The following IDE variants were observed in gnomAD, a reference collection of about 807,000 sequenced individuals.
IDE encodes the protein insulin-degrading enzyme.
Under a neutral mutation model 133.2 loss-of-function variants are expected in IDE, and 58 were observed. The observed-to-expected ratio is 0.44, with a 90% CI of 0.35 to 0.54. The LOEUF is 0.54. Ranked by LOEUF, IDE falls within the 20% of genes least tolerant of loss-of-function variation. IDE has a pLI of 0.00. For synonymous variants in IDE, 396 were observed against 421.3 expected (o/e 0.94, Z 0.73); for missense variants, 981 against 1,234.0 (o/e 0.79, Z 3.07).
intron 14 of IDE, among the ~76,000 whole-genome samples, chr10:92,481,822 C>T (rs1322072829): frequency 2.0e-5 from 3 of 151,950 alleles, no homozygotes; most frequent in Non-Finnish European, 4.4e-5. Flanking sequence ...TTAGAGAACA[C>T]AAAAATGTAA....
chr10:92,456,900 C>G (rs1051454635), intron 22 of IDE, among the ~76,000 whole-genome samples: 6 of 149,176 alleles, frequency 4.0e-5, no homozygotes, highest in Non-Finnish European at 5.9e-5. Flanking sequence ...AGATACTTCC[C>G]TTTCTTTCCC....
chr10:92,526,849 A>G (rs1849651767), intron 4 of IDE, among the ~76,000 whole-genome samples: 1 of 149,542 alleles, frequency 6.7e-6, no homozygotes, highest in Admixed American at 6.7e-5. Flanking sequence ...CTGTCTCAAA[A>G]AAAAAAAAAA....
In IDE at chr10:92,516,834, C is replaced by G. The variant is rs564982652; in HGVS notation, c.662-1792G>C. On this transcript the variant is annotated intron_variant, in intron 4 of 24. Transcript: ENST00000265986. The stretch of plus-strand genomic sequence containing the variant: ...TGTATGTAGTGTACCACTAACAGCT[C>G]TCATGAAATCTTAATAACTAATTCA... Among the ~76,000 whole-genome samples the G allele has an allele frequency of 7.2e-5, 11 of 152,286 alleles. 1 individual carries two copies. Among genetic ancestry groups the G allele is most frequent in the Middle Eastern group, 3.4e-3 (1 of 294 alleles).
chr10:92,524,370 A>ATAT (rs71028824), intron 4 of IDE, among the ~76,000 whole-genome samples: 25,590 of 43,044 alleles, frequency 0.59, 8,685 homozygotes, highest in East Asian at 0.85. Flanking sequence ...ATATTATAAT[A>ATAT]TATATTATAT....
intron 5 of IDE, among the ~76,000 whole-genome samples, chr10:92,511,126 A>G (rs1848608051): frequency 6.9e-6 from 1 of 144,470 alleles, no homozygotes. Context: ...TTTTGAAGCA[A>G]GGTATTGCTC....
At position 92,456,310 on chromosome 10, in the gene IDE, C is replaced by A. The variant is rs752286492; in HGVS notation, c.2896+49G>T. 16 of 1,321,526 alleles carry A rather than the reference C, an allele frequency of 1.2e-5. No homozygotes were observed. In the South Asian group the frequency reaches 1.9e-4, roughly 16 times the overall value. The allele number at this position is 1,321,526 out of a possible 1,614,324, so 81.9% of individuals were successfully genotyped here. A position where few individuals can be genotyped will look rare whatever the true frequency, so the allele number is the denominator to read the frequency against. ...GGCATGTAGCTATGACAAAGGCCAA[C>A]CATCAGATGGCTCAACATGAGCCTA... On this transcript the variant is annotated intron_variant, in intron 23 of 24. Transcript: ENST00000265986.
intron 12 of IDE, among the ~76,000 whole-genome samples, chr10:92,489,295 T>C (rs1847207095): frequency 6.6e-6 from 1 of 152,200 alleles, no homozygotes; most frequent in African/African-American, 2.4e-5. Context: ...CTCACAGCTG[T>C]AATCCCAGCA....
At chr10:92,487,454 G>T in intron 12 of IDE, 136 bp from the exon 13 acceptor site, 1 of 752,558 alleles carries the variant, frequency 1.3e-6, no homozygotes, top group Non-Finnish European at 2.1e-6. Flanking sequence ...ATATAAAAGA[G>T]GTACTACCAA....
chr10:92,470,838 A>G (rs1845928452), intron 17 of IDE, among the ~76,000 whole-genome samples: 1 of 152,208 alleles, frequency 6.6e-6, no homozygotes, highest in Non-Finnish European at 1.5e-5. Flanking sequence ...GCATTCTATC[A>G]GGGGACTCAT....
chr10:92,484,994 T>C (rs1846883841), intron 13 of IDE, among the ~76,000 whole-genome samples: 1 of 151,796 alleles, frequency 6.6e-6, no homozygotes, highest in South Asian at 2.1e-4. Context: ...AGGCCAAGGC[T>C]ACAGTGAGCC....
chr10:92,458,490 G>GTTTTT lies in IDE; in HGVS notation c.2824-2064_2824-2060dup, dbSNP rs71028821. On this transcript the variant is annotated intron_variant, in intron 22 of 24. Coordinates refer to ENST00000265986, the MANE Select transcript of IDE (RefSeq NM_004969.4). The stretch of plus-strand genomic sequence containing the variant: ...AGGCCTGGTTATAAATACTCTCTCT[G>GTTTTT]TTTTTTTTTTTTTTTTTTTTTTTTT... Among the ~76,000 whole-genome samples, 433 of 83,824 alleles carry GTTTTT rather than the reference G, an allele frequency of 5.2e-3. 56 individuals carry two copies. Among genetic ancestry groups the GTTTTT allele is most frequent in the East Asian group, 6.2e-3 (23 of 3,718 alleles). 55.0% of individuals were successfully genotyped at this position (83,824 alleles called of 152,430 possible). A position where few individuals can be genotyped will look rare whatever the true frequency, so the allele number is the denominator to read the frequency against.
chr10:92,474,852 T>C lies in IDE; in HGVS notation c.2105A>G (p.Glu702Gly), dbSNP rs1846161211. Residue 702 changes from glutamate (E) to glycine (G), a missense_variant, in exon 17 of 25, where the codon GAA becomes GGA. By Grantham distance (98) the Glu-to-Gly change is moderately conservative. Around this residue, in one of 2 missense-constraint regions of IDE, gnomAD observed 660 missense variants for 894.7 expected, o/e 0.74. Coordinates refer to ENST00000265986, the MANE Select transcript of IDE (RefSeq NM_004969.4). ...EVAWTKDELK[E>G]ALDDVTLPRL... Reference sequence around the variant, plus strand: ...GTAGAAAGTCTCACCATCCAGAGCTTCTTTTAACTCATCTTTAGTCCAGGC... The same window carrying C: ...GTAGAAAGTCTCACCATCCAGAGCTCCTTTTAACTCATCTTTAGTCCAGGC... The C allele has an allele frequency of 3.1e-6, 5 of 1,612,134 alleles. No homozygotes were observed. Among genetic ancestry groups the C allele is most frequent in the Non-Finnish European group, 4.2e-6 (5 of 1,179,480 alleles).
rs1440550045 is a variant in IDE at position 92,574,078 on chromosome 10, C to T, written c.-59G>A. ...CTTCCTGCTTGCGCTTCGAGCCGGC[C>T]CTGCGCACTGCGCATGCTCTAGCCG... On this transcript the variant is annotated 5_prime_UTR_variant, in exon 1 of 25. Transcript: ENST00000265986. The T allele has an allele frequency of 5.9e-6, 8 of 1,344,780 alleles. No homozygotes were observed. In the African/African-American group the frequency reaches 9.2e-5, roughly 15 times the overall value. The allele number at this position is 1,344,780 out of a possible 1,614,324, so 83.3% of individuals were successfully genotyped here. A position where few individuals can be genotyped will look rare whatever the true frequency, so the allele number is the denominator to read the frequency against.
At chr10:92,501,348 C>CA (rs1321648466) in intron 11 of IDE, among the ~76,000 whole-genome samples, 26 of 99,708 alleles carry the variant, frequency 2.6e-4, no homozygotes, top group African/African-American at 1.1e-3. Flanking sequence ...GGCAACAGAG[C>CA]AAGACTCTGT....
rs201815833 is a variant in IDE, at chr10:92,508,777, G to A, written c.1011C>T (p.Leu337=). ...GACTTCCAGGACCTTCATGCCCAAT[G>A]AGATGACCAAGATAATGACCAGGAT... is the stretch of plus-strand genomic sequence containing the variant. ...KSNPGHYLGH[L]IGHEGPGSLL... The change falls in exon 7 of 25, where the codon CTC becomes CTT. Residue 337 remains leucine (L), a synonymous_variant. Coordinates refer to ENST00000265986, the MANE Select transcript of IDE (RefSeq NM_004969.4). The A allele has an allele frequency of 4.6e-5, 74 of 1,613,898 alleles. No homozygotes were observed. The East Asian group carries it at 1.5e-3, about 32-fold the overall frequency.
At chr10:92,514,872 T>C (rs751221755) in intron 5 of IDE, 48 bp downstream of exon 5, 15 of 1,519,662 alleles carry the variant, frequency 9.9e-6, no homozygotes, top group Non-Finnish European at 1.4e-5. Flanking sequence ...AAGCCAACAT[T>C]AAAAACTTAT....
chr10:92,539,039 A>G (rs1842163054), intron 1 of IDE, among the ~76,000 whole-genome samples: 1 of 151,208 alleles, frequency 6.6e-6, no homozygotes, highest in Admixed American at 6.5e-5. Flanking sequence ...TAAAATCTCT[A>G]GAGATTGAGA....
intron 14 of IDE, chr10:92,480,846 G>A (rs1449532107): frequency 1.9e-5 from 11 of 572,598 alleles, no homozygotes; most frequent in Non-Finnish European, 2.4e-5. Context: ...TTCCTGCCTC[G>A]GCTTCCCAAA....
intron 1 of IDE, among the ~76,000 whole-genome samples, chr10:92,537,784 C>T (rs957024982): frequency 6.6e-6 from 1 of 152,144 alleles, no homozygotes; most frequent in African/African-American, 2.4e-5. Context: ...TGAAAGAGCA[C>T]ATGGATAGGG....
Sources: gnomAD v4.1 joint callset for allele counts (sites outside exome capture counted in the v4.1 genomes callset) on GRCh38, gnomAD v4.1.1 for gene constraint, gnomAD v4.1.1 regional missense constraint, MANE v1.5 for transcripts, NCBI Gene and HGNC (gene_info 2026-07-23, HGNC 2026-07-21) for gene names.